VPS13B: variants seen among roughly 807,000 people sequenced by gnomAD.
The protein encoded by VPS13B is intermembrane lipid transfer protein VPS13B.
A neutral mutation model predicts 426.4 loss-of-function variants in VPS13B; 285 were observed. The observed-to-expected ratio is 0.67, with a 90% CI of 0.61 to 0.74. The LOEUF (loss-of-function observed/expected upper bound fraction) is 0.74. Ranked by LOEUF, VPS13B falls within the 30% of genes least tolerant of loss-of-function variation. The pLI is 0.00. For synonymous variants in VPS13B, 1,676 were observed against 1,676.4 expected (o/e 1.00, Z 0.01); for missense variants, 4,537 against 4,782.6 (o/e 0.95, Z 1.51).
chr8:99,108,871 T>C (rs1254585136), intron 5 of VPS13B, among the ~76,000 whole-genome samples: 2 of 152,174 alleles, frequency 1.3e-5, no homozygotes, highest in Admixed American at 1.3e-4. Context: ...CTTTGGATAG[T>C]ATGGAAATGA....
At chr8:99,084,900 C>T (rs1158963886) in intron 3 of VPS13B, among the ~76,000 whole-genome samples, 9 of 152,158 alleles carry the variant, frequency 5.9e-5, no homozygotes, top group South Asian at 2.1e-4. Flanking sequence ...GGAATAAGTG[C>T]GGCGTGGTGC....
At chr8:99,487,581 A>C (rs78908153) in intron 25 of VPS13B, among the ~76,000 whole-genome samples, 3,309 of 152,218 alleles carry the variant, frequency 0.022, 131 homozygotes, top group African/African-American at 0.075. Flanking sequence ...CAGAATCTCT[A>C]TCCCCATCGA....
intron 23 of VPS13B, among the ~76,000 whole-genome samples, chr8:99,459,281 G>T (rs1290855023): frequency 6.6e-6 from 1 of 152,068 alleles, no homozygotes; most frequent in Non-Finnish European, 1.5e-5. Flanking sequence ...TCACCTTATT[G>T]AGTTTCTGTC....
chr8:99,689,031 T>TG (rs1279811039), intron 35 of VPS13B, among the ~76,000 whole-genome samples: 3 of 152,142 alleles, frequency 2.0e-5, no homozygotes, highest in East Asian at 3.9e-4. Flanking sequence ...GTCACTATCT[T>TG]GAAAAAGGGA....
At chr8:99,113,525 T>C (rs11993237) in intron 6 of VPS13B, among the ~76,000 whole-genome samples, 9,381 of 152,308 alleles carry the variant, frequency 0.062, 388 homozygotes, top group African/African-American at 0.11. Flanking sequence ...CATTAATTAC[T>C]TCACAGAGGT....
At chr8:99,471,554 TA>T (rs1327406260) in intron 24 of VPS13B, among the ~76,000 whole-genome samples, 2 of 152,112 alleles carry the variant, frequency 1.3e-5, no homozygotes, top group East Asian at 3.9e-4. Flanking sequence ...AAATTAAAAT[TA>T]AATACTAAAA....
chr8:99,556,604 A>G lies in VPS13B; in HGVS notation c.4900A>G (p.Thr1634Ala), dbSNP rs1193101764. The G allele has an allele frequency of 1.2e-6, 2 of 1,613,120 alleles. No individual in the cohort carries two copies. The highest frequency in any genetic ancestry group is 1.7e-6 in the Non-Finnish European group (2 of 1,179,494). Residue 1634 changes from threonine to alanine, a missense_variant, in exon 31 of 62, where the codon ACT becomes GCT. Thr to Ala is a moderately conservative substitution (Grantham distance 58). This residue lies in a region of VPS13B where 4,311 missense variants were observed against 4,474.3 expected (regional missense o/e 0.96). Transcript: ENST00000357162. ...ESVSGGVVTETERNSQNPALE... is the reference protein window; with the variant it reads ...ESVSGGVVTEAERNSQNPALE... ...TGTCTCAGGAGGGGTGGTAACAGAG[A>G]CTGAAAGGAATTCTCAAAATCCAGC... is the stretch of plus-strand genomic sequence containing the variant.
chr8:99,480,257 A>G (rs1819965448), intron 24 of VPS13B, among the ~76,000 whole-genome samples: 1 of 152,214 alleles, frequency 6.6e-6, no homozygotes, highest in South Asian at 2.1e-4. Flanking sequence ...AAATACGTTT[A>G]AAGTGTGTGT....
At chr8:99,325,958 A>G (rs879606393) in intron 19 of VPS13B, among the ~76,000 whole-genome samples, 9 of 151,904 alleles carry the variant, frequency 5.9e-5, no homozygotes, top group African/African-American at 1.7e-4. Flanking sequence ...TTTCCATAGG[A>G]TATGTTTTTT....
intron 39 of VPS13B, among the ~76,000 whole-genome samples, chr8:99,728,341 C>T (rs1324280652): frequency 2.0e-5 from 3 of 152,114 alleles, no homozygotes; most frequent in Non-Finnish European, 1.5e-5. Flanking sequence ...TGTCACAAAC[C>T]TTTTCAAACA....
intron 24 of VPS13B, among the ~76,000 whole-genome samples, chr8:99,475,235 G>C (rs1819628493): frequency 6.6e-6 from 1 of 152,164 alleles, no homozygotes; most frequent in Non-Finnish European, 1.5e-5. Flanking sequence ...GATAGGAAGA[G>C]GACATATTAC....
At chr8:99,566,243 G>A (rs762894333) in intron 31 of VPS13B, among the ~76,000 whole-genome samples, 1 of 152,004 alleles carries the variant, frequency 6.6e-6, no homozygotes, top group African/African-American at 2.4e-5. Context: ...TGATATAGTA[G>A]GCACTAAAAA....
At chr8:99,530,289 C>G (rs956937636) in intron 30 of VPS13B, among the ~76,000 whole-genome samples, 1 of 152,028 alleles carries the variant, frequency 6.6e-6, no homozygotes, top group African/African-American at 2.4e-5. Flanking sequence ...GCTGACCTAC[C>G]TTTATGCAAT....
chr8:99,448,067 G>C (rs144177902), intron 23 of VPS13B, among the ~76,000 whole-genome samples: 1 of 151,082 alleles, frequency 6.6e-6, no homozygotes, highest in East Asian at 1.9e-4. Context: ...TAGGAACTGC[G>C]GAAGTCTCCA....
At chr8:99,784,509 G>T in intron 43 of VPS13B, 33 bp downstream of exon 43, 1 of 1,613,036 alleles carries the variant, frequency 6.2e-7, no homozygotes. Flanking sequence ...AACAGCCATT[G>T]TTAAGGTTGG....
At chr8:99,526,191 C>G (rs1588463309) in intron 30 of VPS13B, among the ~76,000 whole-genome samples, 2 of 152,088 alleles carry the variant, frequency 1.3e-5, no homozygotes, top group East Asian at 3.9e-4. Context: ...AAGGGAGTCA[C>G]AATTAAGAAC....
intron 3 of VPS13B, among the ~76,000 whole-genome samples, chr8:99,095,671 C>T (rs1588029965): frequency 6.6e-6 from 1 of 152,046 alleles, no homozygotes; most frequent in Admixed American, 6.6e-5. Flanking sequence ...GTATTATATA[C>T]ATGTTGAATC....
chr8:99,144,733 T>C (rs1479931859), intron 13 of VPS13B, among the ~76,000 whole-genome samples: 1 of 152,208 alleles, frequency 6.6e-6, no homozygotes, highest in African/African-American at 2.4e-5. Flanking sequence ...ACATTCTTTA[T>C]GTGCTAGGAT....
At position 99,853,647 on chromosome 8, in the gene VPS13B, G is replaced by A. The variant is rs191174682; in HGVS notation, c.10258G>A (p.Val3420Met). ...GGCTGCGTTGTTTGAACTTTACTGT[G>A]TGGAGATCTGCTGTGGGGACCTGCA... ...PVAALFELYC[V>M]EICCGDLQLD... The change falls in exon 56 of 62, where the codon GTG becomes ATG. Residue 3420 changes from valine (V) to methionine (M), a missense_variant. Around this residue, in one of 2 missense-constraint regions of VPS13B, gnomAD observed 4,311 missense variants for 4,474.3 expected, o/e 0.96. Transcript: ENST00000357162. 152 of 1,614,166 alleles carry A rather than the reference G, an allele frequency of 9.4e-5. No individual in the cohort carries two copies. The East Asian group carries it at 3.0e-3, about 32-fold the overall frequency.
Sources: gnomAD v4.1 joint callset for allele counts (sites outside exome capture counted in the v4.1 genomes callset) on GRCh38, gnomAD v4.1.1 for gene constraint, gnomAD v4.1.1 regional missense constraint, MANE v1.5 for transcripts, NCBI Gene and HGNC (gene_info 2026-07-23, HGNC 2026-07-21) for gene names.